The following VAC14 variants were observed in gnomAD, a reference collection of about 807,000 sequenced individuals.
VAC14 encodes VAC14 component of PIKFYVE complex, also known as protein VAC14 homolog.
A neutral mutation model predicts 85.3 loss-of-function variants in VAC14; 47 were observed. That is an observed-to-expected ratio of 0.55 (90% confidence interval 0.44 to 0.70). The LOEUF (loss-of-function observed/expected upper bound fraction) is 0.70, where lower values mean the gene tolerates loss of function less well. Ranked by LOEUF, VAC14 falls within the 30% of genes least tolerant of loss-of-function variation. The pLI, the probability that VAC14 is intolerant of heterozygous loss-of-function variation, is 0.00. For synonymous variants in VAC14, 447 were observed against 430.5 expected (o/e 1.04, Z -0.47); for missense variants, 861 against 1,004.3 (o/e 0.86, Z 1.93).
intron 5 of VAC14, 75 bp from the exon 6 acceptor site, chr16:70,783,629 G>A (rs2033917697): frequency 2.7e-6 from 4 of 1,469,652 alleles, no homozygotes; most frequent in Admixed American, 1.7e-5. Context: ...CTCTGGGACT[G>A]GGCTGTAGGA....
intron 10 of VAC14, 118 bp downstream of exon 10, chr16:70,771,991 C>A (rs2033255415): frequency 2.2e-6 from 2 of 915,610 alleles, no homozygotes; most frequent in Non-Finnish European, 3.4e-6. Context: ...CGAGGGTGTC[C>A]CAAAAGCAGC....
At chr16:70,691,686 C>T (rs3826271) in intron 18 of VAC14, 410,597 of 985,182 alleles carry the variant, frequency 0.42, 89,777 homozygotes, top group Non-Finnish European at 0.44. Context: ...AGGGAAGGCA[C>T]GAGCCGGTCT....
intron 18 of VAC14, chr16:70,688,412 G>C: frequency 9.8e-7 from 1 of 1,021,048 alleles, no homozygotes; most frequent in African/African-American, 1.7e-5. Context: ...TGGGGTGAAA[G>C]CCAGGGCTAG....
At chr16:70,782,990 C>CAGTGGCAGT (rs764906079) in intron 7 of VAC14, 43 bp downstream of exon 7, 10 of 1,562,992 alleles carry the variant, frequency 6.4e-6, no homozygotes, top group Non-Finnish European at 8.8e-6. Flanking sequence ...GCAGTGGCAG[C>CAGTGGCAGT]AGCAGTGGCA....
chr16:70,785,828 C>G lies in VAC14; in HGVS notation c.297G>C (p.Leu99=). Residue 99 remains leucine (L), a synonymous_variant, in exon 3 of 19, where the codon CTG becomes CTC. Transcript: ENST00000261776. ...LYLKELIEPV[L]TCFNDADSRL... ...TGCTGTCTGCATCATTGAAGCAGGT[C>G]AGCACTGGCTCGATCAGCTCCTTCA... 1 of 1,605,994 alleles carries G rather than the reference C, an allele frequency of 6.2e-7. No individual in the cohort carries two copies. The highest frequency in any genetic ancestry group is 8.5e-7 in the Non-Finnish European group (1 of 1,175,610).
chr16:70,772,027 T>A (rs1351702086), intron 10 of VAC14, 82 bp downstream of exon 10: 3 of 1,326,894 alleles, frequency 2.3e-6, no homozygotes, highest in Non-Finnish European at 3.2e-6. Context: ...TTGCCTTGGG[T>A]CATTGCTGTA....
In VAC14 at chr16:70,785,843, C is replaced by A. The variant is rs888095418; in HGVS notation, c.282G>T (p.Leu94=). The A allele has an allele frequency of 3.7e-6, 6 of 1,604,566 alleles. No homozygotes were observed. The highest frequency in any genetic ancestry group is 4.3e-6 in the Non-Finnish European group (5 of 1,175,342). ...TGAAGCAGGTCAGCACTGGCTCGATCAGCTCCTTCAGGTAGAGCCCTGAGT... is the reference window on the plus strand; with the variant it reads ...TGAAGCAGGTCAGCACTGGCTCGATAAGCTCCTTCAGGTAGAGCCCTGAGT... ...GKDSGLYLKE[L]IEPVLTCFND... is the part of the protein sequence containing the mutation. The change falls in exon 3 of 19, where the codon CTG becomes CTT. Residue 94 remains leucine (L), a synonymous_variant. Coordinates refer to ENST00000261776, the MANE Select transcript of VAC14 (RefSeq NM_018052.5).
intron 12 of VAC14, among the ~76,000 whole-genome samples, chr16:70,755,710 C>G (rs1012483824): frequency 7.2e-5 from 11 of 152,206 alleles, no homozygotes; most frequent in Non-Finnish European, 1.6e-4. Flanking sequence ...CATGACCCAC[C>G]ACGGTTCCTA....
rs778605654 is a variant in VAC14 at position 70,731,480 on chromosome 16, G to A, written c.1661+15C>T. ...CCGTGGGAGGAAGAGGAGAAAGCGC[G>A]CCGCCAAGGCTGACCTGATGATGAA... is the stretch of plus-strand genomic sequence containing the variant. On this transcript the variant is annotated intron_variant, in intron 14 of 18. Coordinates refer to ENST00000261776, the MANE Select transcript of VAC14 (RefSeq NM_018052.5). 1.1e-5 allele frequency: 17 copies of A among 1,607,852 alleles called. No individual in the cohort carries two copies. The highest frequency in any genetic ancestry group is 5.5e-5 in the South Asian group (5 of 90,378).
intron 13 of VAC14, among the ~76,000 whole-genome samples, chr16:70,737,715 TCCACAGAACGTCTCACAAACAA>T (rs1336537043): frequency 1.3e-5 from 2 of 152,122 alleles, no homozygotes; most frequent in Admixed American, 6.5e-5. Context: ...GACATGAGAA[TCCACAGAACGTCTCACAAACAA>T]CCTGCCCCGG....
Position 70,698,666 on chromosome 16 carries a change from T to G in VAC14, c.1807A>C (p.Arg603=). The G allele has an allele frequency of 6.2e-7, 1 of 1,614,144 alleles. No individual in the cohort carries two copies. Among genetic ancestry groups the G allele is most frequent in the South Asian group, 1.1e-5 (1 of 91,074 alleles). The part of the protein sequence containing the change: ...LLTSTELFQL[R]NQLKDLKTLE... The stretch of plus-strand genomic sequence containing the variant: ...GTCTTCAGGTCCTTCAGCTGGTTCC[T>G]TAGCTGGAAGAGCTCTGTGGAGGTC... The change falls in exon 15 of 19, where the codon AGG becomes CGG. Residue 603 remains arginine, a synonymous_variant. Coordinates refer to ENST00000261776, the MANE Select transcript of VAC14 (RefSeq NM_018052.5).
intron 18 of VAC14, chr16:70,689,504 G>T: frequency 1.0e-6 from 1 of 985,550 alleles, no homozygotes; most frequent in Non-Finnish European, 1.2e-6. Context: ...CAGGACCAGG[G>T]CAGGGGGACT....
intron 14 of VAC14, among the ~76,000 whole-genome samples, chr16:70,729,417 C>T (rs1232128046): frequency 6.6e-6 from 1 of 152,152 alleles, no homozygotes; most frequent in Non-Finnish European, 1.5e-5. Context: ...CCTGTCCTCT[C>T]CCACAACTCA....
chr16:70,737,876 C>G (rs938224902), intron 13 of VAC14, among the ~76,000 whole-genome samples: 6 of 152,200 alleles, frequency 3.9e-5, no homozygotes, highest in African/African-American at 1.4e-4. Flanking sequence ...CGTCAGCCAC[C>G]CAGTTCAGGC....
chr16:70,742,020 C>A (rs998301036), intron 13 of VAC14, among the ~76,000 whole-genome samples: 5 of 152,238 alleles, frequency 3.3e-5, no homozygotes, highest in Admixed American at 6.5e-5. Flanking sequence ...CCTGGTCCTC[C>A]TTCCATGAGC....
At chr16:70,783,600 T>C (rs1462090280) in intron 5 of VAC14, 46 bp from the exon 6 acceptor site, 2 of 1,585,922 alleles carry the variant, frequency 1.3e-6, no homozygotes, top group African/African-American at 1.3e-5. Context: ...TCCAGAACCC[T>C]GTTTCCTGCT....
At position 70,780,836 on chromosome 16, in the gene VAC14, C is replaced by A. The variant is rs371625441; in HGVS notation, c.1050G>T (p.Glu350Asp). The change falls in exon 9 of 19, where the codon GAG (glutamate) becomes GAT (aspartate). Residue 350 changes from glutamate to aspartate, a missense_variant. Physicochemically the swap from Glu to Asp is conservative, Grantham distance 45. This residue lies in a region of VAC14 where 629 missense variants were observed against 703.1 expected (regional missense o/e 0.89). Transcript: ENST00000261776. ...TTGGCAGGGCATCGTCAGGGGTGGG[C>A]TCTGCCTGCCTCTGCCCAGGTCTCA... ...DELRPGQRQA[E>D]PTPDDALPKQ... 12 of 1,612,880 alleles carry A rather than the reference C, an allele frequency of 7.4e-6. No individual in the cohort carries two copies. Among genetic ancestry groups the A allele is most frequent in the African/African-American group, 1.3e-5 (1 of 74,924 alleles).
At chr16:70,722,998 C>T (rs2054332867) in intron 14 of VAC14, among the ~76,000 whole-genome samples, 1 of 152,016 alleles carries the variant, frequency 6.6e-6, no homozygotes, top group Admixed American at 6.6e-5. Context: ...GGTGGATCAC[C>T]TGAGGTCAGG....
At chr16:70,777,461 G>A (rs1168990394) in intron 9 of VAC14, among the ~76,000 whole-genome samples, 1 of 152,196 alleles carries the variant, frequency 6.6e-6, no homozygotes, top group African/African-American at 2.4e-5. Flanking sequence ...GGACTCATAG[G>A]CAGGTTGTTC....
Sources: allele counts gnomAD v4.1 joint callset (sites outside exome capture counted in the v4.1 genomes callset), GRCh38; gene constraint gnomAD v4.1.1; regional missense constraint gnomAD v4.1.1; transcripts MANE v1.5; gene names NCBI Gene and HGNC (gene_info 2026-07-23, HGNC 2026-07-21).